Variants in ANK2 observed in about 807,000 individuals in gnomAD.
The protein encoded by ANK2 is ankyrin-2.
A neutral mutation model predicts 360.5 loss-of-function variants in ANK2; 83 were observed. The ratio of observed to expected loss-of-function variants is 0.23; its 90% confidence interval spans 0.19 to 0.28. The LOEUF is 0.28. ANK2 is among the 10% of genes least tolerant of loss of function. The probability of loss-of-function intolerance (pLI) is 1.00; values close to 1 mark genes in which losing one functional copy is unlikely to be tolerated. For missense variants in ANK2, 4,201 were observed against 4,795.7 expected (o/e 0.88, Z 3.66); for synonymous variants, 1,740 against 1,759.5 (o/e 0.99, Z 0.28).
At chr4:112,931,433 CTTTTTTT>C (rs59802557) in intron 2 of ANK2, among the ~76,000 whole-genome samples, 8 of 85,266 alleles carry the variant, frequency 9.4e-5, no homozygotes, top group Non-Finnish European at 1.5e-4. Flanking sequence ...TCTTTCTTTT[CTTTTTTT>C]TTTTTTTTTT....
At chr4:112,879,623 T>C (rs2076172011) in intron 1 of ANK2, among the ~76,000 whole-genome samples, 1 of 152,192 alleles carries the variant, frequency 6.6e-6, no homozygotes, top group Non-Finnish European at 1.5e-5. Context: ...TATATAGTAA[T>C]AGATAACTAA....
At chr4:112,810,182 T>G in the ANK2 span, among the ~76,000 whole-genome samples, 69,866 of 111,594 alleles carry the variant, frequency 0.63, 22,452 homozygotes, top group East Asian at 0.92. Flanking sequence ...TTTTTTTTTT[T>G]GTAGCAATGG....
chr4:112,743,601 G>T, the ANK2 span, among the ~76,000 whole-genome samples: 1 of 123,060 alleles, frequency 8.1e-6, no homozygotes, highest in Non-Finnish European at 1.6e-5. Flanking sequence ...TTACTGCCCT[G>T]GCACGATCTC....
At chr4:112,816,510 G>T (rs1051979293), upstream of ANK2, among the ~76,000 whole-genome samples, 1 of 151,646 alleles carries the variant, frequency 6.6e-6, no homozygotes, top group Non-Finnish European at 1.5e-5. Flanking sequence ...ATAAAAATAT[G>T]CAAATACTAT....
intron 2 of ANK2, among the ~76,000 whole-genome samples, chr4:112,922,372 A>T (rs1446479445): frequency 6.6e-6 from 1 of 152,178 alleles, no homozygotes; most frequent in African/African-American, 2.4e-5. Context: ...TACTATCCAC[A>T]TGGGCCGCAT....
At chr4:113,203,054 A>G (rs1315248959) in intron 4 of ANK2, among the ~76,000 whole-genome samples, 2 of 152,166 alleles carry the variant, frequency 1.3e-5, no homozygotes, top group Non-Finnish European at 1.5e-5. Context: ...TGCCGGAATT[A>G]TGGAGTTAGA....
At chr4:113,175,572 A>G (rs1306744470) in intron 2 of ANK2, among the ~76,000 whole-genome samples, 2 of 152,326 alleles carry the variant, frequency 1.3e-5, no homozygotes, top group African/African-American at 4.8e-5. Context: ...CAGAGTTGTC[A>G]TAACAGCCTT....
At chr4:112,729,392 T>A in the ANK2 span, among the ~76,000 whole-genome samples, 2 of 152,324 alleles carry the variant, frequency 1.3e-5, no homozygotes, top group East Asian at 3.9e-4. Context: ...ATGCCTATGT[T>A]CATTGCAGCA....
the ANK2 span, among the ~76,000 whole-genome samples, chr4:112,791,503 T>C: frequency 2.7e-4 from 28 of 102,220 alleles, no homozygotes; most frequent in African/African-American, 1.0e-3. Context: ...TTTTTTTTTT[T>C]CTTGAGACAG....
intron 1 of ANK2, chr4:112,827,101 C>T: frequency 1.8e-6 from 2 of 1,117,882 alleles, no homozygotes; most frequent in Non-Finnish European, 2.7e-6. Flanking sequence ...ATTATGAAGC[C>T]TTCTAGAAAA....
the ANK2 span, among the ~76,000 whole-genome samples, chr4:112,810,151 ATATATATATTTTTTTTTTT>A: frequency 3.8e-4 from 10 of 26,290 alleles, no homozygotes; most frequent in African/African-American, 7.9e-4. Context: ...ATATATATAT[ATATATATATTTTTTTTTTT>A]TTTTTTTTTT....
intron 1 of ANK2, among the ~76,000 whole-genome samples, chr4:112,885,004 C>T (rs562870660): frequency 7.9e-5 from 12 of 152,266 alleles, no homozygotes; most frequent in South Asian, 6.2e-4. Flanking sequence ...CTCAGCATAG[C>T]GCTGGGCACA....
At chr4:113,083,768 A>T (rs1315040517) in intron 1 of ANK2, among the ~76,000 whole-genome samples, 2 of 152,200 alleles carry the variant, frequency 1.3e-5, no homozygotes, top group Non-Finnish European at 1.5e-5. Flanking sequence ...CAAGAATTTA[A>T]AATATTTTAT....
At chr4:112,981,989 A>C (rs2154271791) in intron 2 of ANK2, among the ~76,000 whole-genome samples, 1 of 152,314 alleles carries the variant, frequency 6.6e-6, no homozygotes, top group Non-Finnish European at 1.5e-5. Flanking sequence ...TTATAGAAGC[A>C]GTGAAACTTT....
upstream of ANK2, among the ~76,000 whole-genome samples, chr4:112,817,204 AT>A (rs917163893): frequency 1.3e-4 from 20 of 152,088 alleles, no homozygotes; most frequent in African/African-American, 4.8e-4. Context: ...ATAAAACCTG[AT>A]TTTTTTTACC....
chr4:113,274,767 T>A, intron 15 of ANK2, 118 bp downstream of exon 15: 1 of 1,040,846 alleles, frequency 9.6e-7, no homozygotes, highest in Non-Finnish European at 1.5e-6. Context: ...CTTACTTCCT[T>A]CTCTACATAT....
intron 14 of ANK2, among the ~76,000 whole-genome samples, chr4:113,265,725 T>A (rs1454158651): frequency 5.3e-5 from 8 of 152,222 alleles, no homozygotes; most frequent in African/African-American, 1.9e-4. Flanking sequence ...ATCAATATAC[T>A]GTACCTTCTA....
intron 1 of ANK2, among the ~76,000 whole-genome samples, chr4:113,058,057 A>G (rs2071045282): frequency 1.3e-5 from 2 of 152,140 alleles, no homozygotes; most frequent in African/African-American, 4.8e-5. Flanking sequence ...GTCTGGCCAC[A>G]GGTTTCTGTG....
At chr4:113,314,161 T>G (rs997909243) in intron 24 of ANK2, among the ~76,000 whole-genome samples, 1 of 152,220 alleles carries the variant, frequency 6.6e-6, no homozygotes, top group African/African-American at 2.4e-5. Context: ...TTAGTTGGAT[T>G]TTGCATCTGT....
Sources: gnomAD v4.1 joint callset for allele counts (sites outside exome capture counted in the v4.1 genomes callset) on GRCh38, gnomAD v4.1.1 for gene constraint, MANE v1.5 for transcripts, NCBI Gene and HGNC (gene_info 2026-07-23, HGNC 2026-07-21) for gene names.